Variants in CAPZB observed in about 807,000 individuals in gnomAD.
CAPZB encodes capping actin protein of muscle Z-line subunit beta, also known as F-actin-capping protein subunit beta.
CAPZB carries 2 observed loss-of-function variants against 38.1 expected under a neutral mutation model. That is an observed-to-expected ratio of 0.05 (90% confidence interval 0.02 to 0.17). The LOEUF is 0.17. Ranked by LOEUF, CAPZB falls within the 10% of genes least tolerant of loss-of-function variation. CAPZB has a pLI of 1.00. For synonymous variants in CAPZB, 107 were observed against 127.4 expected, an observed-to-expected ratio of 0.84 and a Z score of 1.08; for missense variants, 161 against 334.2, an observed-to-expected ratio of 0.48 and a Z score of 4.04.
At chr1:19,362,511 C>T (rs935537609) in intron 4 of CAPZB, among the ~76,000 whole-genome samples, 8 of 152,150 alleles carry the variant, frequency 5.3e-5, no homozygotes, top group Admixed American at 2.0e-4. Flanking sequence ...TGAGCCACCA[C>T]GTCTGGTCAA....
At chr1:19,429,598 C>A (rs564261920) in intron 1 of CAPZB, among the ~76,000 whole-genome samples, 4 of 152,088 alleles carry the variant, frequency 2.6e-5, no homozygotes, top group African/African-American at 4.8e-5. Flanking sequence ...ATAAGGGCAC[C>A]GCCCACAGAG....
At chr1:19,470,083 G>A (rs553863972) in intron 1 of CAPZB, among the ~76,000 whole-genome samples, 15 of 152,306 alleles carry the variant, frequency 9.8e-5, no homozygotes, top group Admixed American at 9.8e-4. Context: ...GCTGGGTGCG[G>A]TAGAGCAAAT....
chr1:19,447,154 T>C (rs1007069032), intron 1 of CAPZB, among the ~76,000 whole-genome samples: 2 of 152,088 alleles, frequency 1.3e-5, no homozygotes, highest in Non-Finnish European at 2.9e-5. Flanking sequence ...TCTTCTATCA[T>C]CCTTCTGCAG....
At chr1:19,459,450 G>C (rs11576592) in intron 1 of CAPZB, among the ~76,000 whole-genome samples, 47,528 of 152,108 alleles carry the variant, frequency 0.31, 7,545 homozygotes, top group Non-Finnish European at 0.34. Context: ...TTTAAAGAGA[G>C]AAAATAGGAG....
chr1:19,370,032 T>C (rs994354069), intron 4 of CAPZB, among the ~76,000 whole-genome samples: 2 of 152,168 alleles, frequency 1.3e-5, no homozygotes, highest in Admixed American at 6.5e-5. Context: ...GGAACTTCTT[T>C]GGATGCACAT....
chr1:19,429,778 C>T (rs771052451), intron 1 of CAPZB, among the ~76,000 whole-genome samples: 7 of 152,120 alleles, frequency 4.6e-5, no homozygotes, highest in African/African-American at 7.2e-5. Context: ...GAAAGGTAGG[C>T]GGAGTGTTAT....
rs563349284 is a variant in CAPZB at position 19,356,774 on chromosome 1, T to C, written c.472-23A>G. On this transcript the variant is annotated intron_variant, in intron 5 of 8. Coordinates refer to ENST00000264202, the MANE Select transcript of CAPZB (RefSeq NM_004930.5). The surrounding 1 kb of genome is among the most constrained non-coding windows in gnomAD (Gnocchi z 4.3). ...CTCCTGGAAGGACAAGACAGAGATCTGTTGAGCTGAGGGAGAGCCTGAAGT... is the reference window on the plus strand; with the variant it reads ...CTCCTGGAAGGACAAGACAGAGATCCGTTGAGCTGAGGGAGAGCCTGAAGT... 3.9e-6 allele frequency: 6 copies of C among 1,555,016 alleles called. No homozygotes were observed. The East Asian group carries it at 1.3e-4, about 35-fold the overall frequency.
intron 3 of CAPZB, among the ~76,000 whole-genome samples, chr1:19,380,769 C>G (rs184894759): frequency 6.6e-6 from 1 of 152,220 alleles, no homozygotes; most frequent in Admixed American, 6.5e-5. Context: ...AGAACCTCAG[C>G]TAGGAGGCGG....
intron 1 of CAPZB, among the ~76,000 whole-genome samples, chr1:19,469,613 G>A (rs1327703802): frequency 6.6e-6 from 1 of 151,954 alleles, no homozygotes; most frequent in Non-Finnish European, 1.5e-5. Context: ...TGAGGCGGCG[G>A]CCACGGAGAG....
intron 1 of CAPZB, among the ~76,000 whole-genome samples, chr1:19,442,009 C>CAAAAAAAAAA (rs11384902): frequency 1.2e-5 from 1 of 86,058 alleles, no homozygotes; most frequent in Non-Finnish European, 2.1e-5. Flanking sequence ...ACTCTGTCTC[C>CAAAAAAAAAA]AAAAAAAAAA....
chr1:19,438,506 A>AAG (rs778804716), intron 1 of CAPZB, among the ~76,000 whole-genome samples: 1 of 152,218 alleles, frequency 6.6e-6, no homozygotes, highest in Non-Finnish European at 1.5e-5. Flanking sequence ...ATGCTGAGTG[A>AAG]AGAGAGGAGC....
chr1:19,352,307 T>C (rs1397325364), intron 6 of CAPZB, among the ~76,000 whole-genome samples: 4 of 152,246 alleles, frequency 2.6e-5, no homozygotes, highest in African/African-American at 9.6e-5. Flanking sequence ...GGGGAGAGAC[T>C]GCTCACTAGC....
intron 2 of CAPZB, among the ~76,000 whole-genome samples, chr1:19,404,479 G>A (rs1010153374): frequency 1.6e-4 from 24 of 150,428 alleles, no homozygotes; most frequent in African/African-American, 5.6e-4. Context: ...GGGAGGTGGA[G>A]GCTGCAGTGA....
At chr1:19,434,419 A>T (rs984583633) in intron 1 of CAPZB, among the ~76,000 whole-genome samples, 3 of 144,132 alleles carry the variant, frequency 2.1e-5, no homozygotes, top group Non-Finnish European at 3.0e-5. Flanking sequence ...TCAATTAAAT[A>T]AAAAAAAAAC....
intron 1 of CAPZB, among the ~76,000 whole-genome samples, chr1:19,483,082 A>T (rs765209250): frequency 6.6e-6 from 1 of 152,186 alleles, no homozygotes; most frequent in Non-Finnish European, 1.5e-5. Flanking sequence ...AAAACACAAG[A>T]CACAAATCTC....
intron 2 of CAPZB, chr1:19,385,857 G>A (rs1396815527): frequency 2.0e-5 from 13 of 648,676 alleles, no homozygotes; most frequent in Non-Finnish European, 3.5e-5. Context: ...TTCTAATACA[G>A]TCTTCCTTCC....
At chr1:19,375,572 G>A (rs1038530755) in intron 4 of CAPZB, among the ~76,000 whole-genome samples, 5 of 152,358 alleles carry the variant, frequency 3.3e-5, no homozygotes, top group South Asian at 2.1e-4. Context: ...TATCCAGTTC[G>A]ACCCCCAACT....
intron 6 of CAPZB, among the ~76,000 whole-genome samples, chr1:19,350,778 G>A (rs1452310400): frequency 2.0e-5 from 3 of 151,668 alleles, no homozygotes; most frequent in Non-Finnish European, 4.4e-5. Flanking sequence ...GCCTCACCTG[G>A]CTAATTTTTG....
intron 4 of CAPZB, among the ~76,000 whole-genome samples, chr1:19,370,452 C>T (rs537738818): frequency 2.5e-4 from 38 of 152,318 alleles, no homozygotes; most frequent in African/African-American, 8.2e-4. Context: ...TGCTCCATGA[C>T]GTCACACAGG....
Sources: gnomAD v4.1 joint callset for allele counts (sites outside exome capture counted in the v4.1 genomes callset) on GRCh38, gnomAD v4.1.1 for gene constraint, Gnocchi (gnomAD v3.1) non-coding constraint, MANE v1.5 for transcripts, NCBI Gene and HGNC (gene_info 2026-07-23, HGNC 2026-07-21) for gene names.